Variants in ARK2N observed in about 807,000 individuals in gnomAD.
ARK2N encodes protein ARK2N.
At chr18:46,249,986 TCCCCGCCCC>T in the ARK2N span, among the ~76,000 whole-genome samples, 16 of 151,970 alleles carry the variant, frequency 1.1e-4, no homozygotes, top group African/African-American at 3.9e-4. Context: ...CACGTCTAAT[TCCCCGCCCC>T]CCTCGCCCCA....
chr18:46,193,005 T>G, the ARK2N span, among the ~76,000 whole-genome samples: 1 of 151,758 alleles, frequency 6.6e-6, no homozygotes, highest in African/African-American at 2.4e-5. Flanking sequence ...GAGACCAGTC[T>G]GGCCAAATAG....
chr18:46,201,880 C>T, the ARK2N span, among the ~76,000 whole-genome samples: 2 of 151,208 alleles, frequency 1.3e-5, no homozygotes, highest in Non-Finnish European at 2.9e-5. Flanking sequence ...TGGGTTCAAG[C>T]GATTCTCCTC....
the ARK2N span, among the ~76,000 whole-genome samples, chr18:46,212,248 G>C: frequency 6.6e-6 from 1 of 152,156 alleles, no homozygotes; most frequent in Admixed American, 6.5e-5. Context: ...TTTTATGTCA[G>C]AGTGGATTTT....
chr18:46,245,463 T>C, the ARK2N span, among the ~76,000 whole-genome samples: 2 of 151,328 alleles, frequency 1.3e-5, no homozygotes, highest in African/African-American at 4.9e-5. Context: ...CGCAGCTACT[T>C]GGGAGGCTGA....
chr18:46,179,218 C>T, the ARK2N span, among the ~76,000 whole-genome samples: 1 of 152,120 alleles, frequency 6.6e-6, no homozygotes, highest in Admixed American at 6.6e-5. Context: ...GCTAGGATTA[C>T]AGAGGTGAGC....
chr18:46,197,509 C>A, the ARK2N span, among the ~76,000 whole-genome samples: 1 of 152,206 alleles, frequency 6.6e-6, no homozygotes, highest in Non-Finnish European at 1.5e-5. Flanking sequence ...GCTGGGATTA[C>A]AGGCGTGAGC....
At chr18:46,252,517 G>T in the ARK2N span, among the ~76,000 whole-genome samples, 2 of 151,970 alleles carry the variant, frequency 1.3e-5, no homozygotes, top group Non-Finnish European at 2.9e-5. Context: ...CTTGTGATCC[G>T]CCCACCTTGG....
At chr18:46,193,961 A>G in the ARK2N span, among the ~76,000 whole-genome samples, 1 of 151,982 alleles carries the variant, frequency 6.6e-6, no homozygotes, top group African/African-American at 2.4e-5. Context: ...AAACTTTGAA[A>G]TCTCTTCTTG....
the ARK2N span, among the ~76,000 whole-genome samples, chr18:46,177,580 C>CGTG: frequency 1.3e-5 from 2 of 151,796 alleles, no homozygotes. Flanking sequence ...AGGCGCCTGC[C>CGTG]ACCACGCCTG....
chr18:46,235,473 G>A, the ARK2N span, among the ~76,000 whole-genome samples: 1 of 152,240 alleles, frequency 6.6e-6, no homozygotes, highest in South Asian at 2.1e-4. Context: ...AGGTAGGGCA[G>A]TGGACCAATA....
the ARK2N span, among the ~76,000 whole-genome samples, chr18:46,257,372 T>C: frequency 4.6e-5 from 7 of 152,326 alleles, no homozygotes; most frequent in African/African-American, 1.7e-4. Context: ...TAATATCTTC[T>C]CCTATTCTTT....
chr18:46,229,946 A>G, the ARK2N span, among the ~76,000 whole-genome samples: 1 of 150,842 alleles, frequency 6.6e-6, no homozygotes, highest in Admixed American at 6.6e-5. Flanking sequence ...TTTGTTTTTG[A>G]GACAGAGTCT....
At chr18:46,176,804 A>G in the ARK2N span, among the ~76,000 whole-genome samples, 1 of 151,920 alleles carries the variant, frequency 6.6e-6, no homozygotes, top group Non-Finnish European at 1.5e-5. Flanking sequence ...TTTAGTAGAG[A>G]CGGGTTTTCT....
chr18:46,184,895 T>C, the ARK2N span, among the ~76,000 whole-genome samples: 2 of 152,366 alleles, frequency 1.3e-5, no homozygotes, highest in Admixed American at 1.3e-4. Flanking sequence ...AGTTTCATAG[T>C]GCCTGATTCT....
the ARK2N span, among the ~76,000 whole-genome samples, chr18:46,209,147 ATCACATTTTCCCTCT>A: frequency 6.6e-5 from 10 of 152,198 alleles, no homozygotes; most frequent in Non-Finnish European, 1.0e-4. Context: ...GGGGAAAGCA[ATCACATTTTCCCTCT>A]TAAGTTTGTG....
the ARK2N span, among the ~76,000 whole-genome samples, chr18:46,214,812 C>T: frequency 6.6e-6 from 1 of 152,126 alleles, no homozygotes. Flanking sequence ...GTGGATAAAA[C>T]ATCTATTTAA....
At chr18:46,235,877 A>G in the ARK2N span, among the ~76,000 whole-genome samples, 9 of 148,926 alleles carry the variant, frequency 6.0e-5, no homozygotes, top group Admixed American at 1.4e-4. Flanking sequence ...TTGTGATTCA[A>G]ATTTTCTAAT....
At chr18:46,209,084 G>A in the ARK2N span, among the ~76,000 whole-genome samples, 1 of 152,148 alleles carries the variant, frequency 6.6e-6, no homozygotes, top group African/African-American at 2.4e-5. Flanking sequence ...GAGGGAGCTA[G>A]GGTGTGTGTG....
the ARK2N span, among the ~76,000 whole-genome samples, chr18:46,175,391 CA>C: frequency 6.6e-6 from 1 of 152,274 alleles, no homozygotes; most frequent in African/African-American, 2.4e-5. Context: ...TACATGCTAA[CA>C]GAATCACTCC....
Sources: allele counts gnomAD v4.1 joint callset (sites outside exome capture counted in the v4.1 genomes callset), GRCh38; gene constraint gnomAD v4.1.1; transcripts MANE v1.5; gene names NCBI Gene and HGNC (gene_info 2026-07-23, HGNC 2026-07-21).